ZNF738: variants seen among roughly 807,000 people sequenced by gnomAD.
ZNF738 encodes the protein zinc finger protein 738.
Under a neutral mutation model 9.2 loss-of-function variants are expected in ZNF738, and 10 were observed. That is an observed-to-expected ratio of 1.09 (90% CI 0.67 to 1.85). The LOEUF is 1.85. ZNF738 is among the 40% of genes most tolerant of loss of function. The probability of loss-of-function intolerance (pLI) is 0.00; values close to 1 mark genes in which losing one functional copy is unlikely to be tolerated. For missense variants in ZNF738, 346 were observed against 283.6 expected (o/e 1.22, Z -1.58); for synonymous variants, 113 against 94.5 (o/e 1.20, Z -1.14).
intron 4 of ZNF738, chr19:21,381,824 G>T: frequency 3.4e-6 from 1 of 295,846 alleles, no homozygotes; most frequent in Non-Finnish European, 6.8e-6. Context: ...TTTTACTTTG[G>T]TTACTGCTGA....
chr19:21,371,705 C>T (rs1973859056), intron 2 of ZNF738, among the ~76,000 whole-genome samples: 1 of 151,774 alleles, frequency 6.6e-6, no homozygotes, highest in African/African-American at 2.4e-5. Context: ...CCTTGGTCCA[C>T]TTCTTTTTAA....
chr19:21,368,583 G>A (rs1355127434), intron 2 of ZNF738, among the ~76,000 whole-genome samples: 1 of 151,888 alleles, frequency 6.6e-6, no homozygotes, highest in African/African-American at 2.4e-5. Flanking sequence ...TCAGCCACCC[G>A]AGTAGCTGGG....
At chr19:21,377,931 C>G in intron 4 of ZNF738, 1 of 390,026 alleles carries the variant, frequency 2.6e-6, no homozygotes, top group Non-Finnish European at 4.5e-6. Flanking sequence ...CATTTTCTCT[C>G]TTTGTTTCTC....
At chr19:21,361,251 C>T (rs1973687017) in intron 1 of ZNF738, among the ~76,000 whole-genome samples, 1 of 152,124 alleles carries the variant, frequency 6.6e-6, no homozygotes, top group South Asian at 2.1e-4. Context: ...GATTCTCCTG[C>T]CTCAGCCTCC....
In ZNF738 at chr19:21,381,567, C is replaced by T. The variant is rs560391503; in HGVS notation, c.320-1299C>T. The T allele has an allele frequency of 1.2e-5, 8 of 646,476 alleles. No individual in the cohort carries two copies. The South Asian group carries it at 1.3e-4, about 11-fold the overall frequency. The allele number at this position is 646,476 out of a possible 1,614,324, so 40.0% of individuals were successfully genotyped here. ...GCAGTGCAGTGGCGTGATCTCAGCT[C>T]ACTGCAAGCTCCGTCTCCCGGGTTC... is the stretch of plus-strand genomic sequence containing the variant. On this transcript the variant is annotated intron_variant, in intron 4 of 4. Transcript: ENST00000683779.
In ZNF738 at chr19:21,386,201, T is replaced by G. The variant is rs190981849; in HGVS notation, c.*2527T>G. The G allele has an allele frequency of 5.8e-4, 172 of 295,300 alleles. 1 individual carries two copies. The highest frequency in any genetic ancestry group is 1.1e-3 in the Non-Finnish European group (162 of 144,190). 18.3% of individuals were successfully genotyped at this position (295,300 alleles called of 1,614,324 possible). A position where few individuals can be genotyped will look rare whatever the true frequency, so the allele number is the denominator to read the frequency against. ...CAAACGTGAGGAATGTGGCAAAGCC[T>G]TTAATGGTCCCCTCAACTTTCTGCA... is the stretch of plus-strand genomic sequence containing the variant. On this transcript the variant is annotated 3_prime_UTR_variant, in exon 5 of 5. Coordinates refer to ENST00000683779, the MANE Select transcript of ZNF738 (RefSeq NM_001355237.2).
At chr19:21,377,530 A>AC (rs1973946066) in intron 4 of ZNF738, 1 of 567,472 alleles carries the variant, frequency 1.8e-6, no homozygotes, top group Non-Finnish European at 3.1e-6. Flanking sequence ...ACACACACAC[A>AC]CACAAAATTT....
At chr19:21,369,790 G>A (rs553770367) in intron 2 of ZNF738, among the ~76,000 whole-genome samples, 184 of 152,082 alleles carry the variant, frequency 1.2e-3, no homozygotes, top group South Asian at 2.3e-3. Context: ...TTTGAAGAGG[G>A]GCAATGTAAT....
At chr19:21,378,585 G>A in intron 4 of ZNF738, 2 of 357,304 alleles carry the variant, frequency 5.6e-6, no homozygotes, top group South Asian at 2.2e-5. Context: ...TCTCATAAGA[G>A]TATTCTTGCA....
At chr19:21,373,614 G>A (rs1183285808) in intron 2 of ZNF738, among the ~76,000 whole-genome samples, 1 of 152,190 alleles carries the variant, frequency 6.6e-6, no homozygotes, top group Non-Finnish European at 1.5e-5. Context: ...AAATGGGTGT[G>A]CTTTTTCTGC....
At chr19:21,362,428 G>A (rs574773258) in intron 2 of ZNF738, among the ~76,000 whole-genome samples, 6 of 152,264 alleles carry the variant, frequency 3.9e-5, no homozygotes, top group African/African-American at 1.2e-4. Context: ...GGCAGTCACC[G>A]AAAAATAGTG....
intron 2 of ZNF738, among the ~76,000 whole-genome samples, chr19:21,362,504 A>C (rs1367340209): frequency 6.6e-6 from 1 of 152,122 alleles, no homozygotes; most frequent in Non-Finnish European, 1.5e-5. Flanking sequence ...AGGATCTCTC[A>C]AGTGATTGAA....
At chr19:21,366,135 C>T (rs1415227249) in intron 2 of ZNF738, among the ~76,000 whole-genome samples, 1 of 152,092 alleles carries the variant, frequency 6.6e-6, no homozygotes, top group Non-Finnish European at 1.5e-5. Flanking sequence ...CTCCCCATGT[C>T]CTAATTCTGT....
At position 21,383,964 on chromosome 19, in the gene ZNF738, C is replaced by G. The variant is rs1007808690; in HGVS notation, c.*290C>G. 6.9e-7 allele frequency: 1 copy of G among 1,442,460 alleles called. No individual in the cohort carries two copies. The highest frequency in any genetic ancestry group is 1.4e-5 in the African/African-American group (1 of 71,528). 89.4% of individuals were successfully genotyped at this position (1,442,460 alleles called of 1,614,324 possible). ...TAACTGTTACTCCTACCTTACTGCA[C>G]ATAAGTTGATTCATACTGGAGAGAA... On this transcript the variant is annotated 3_prime_UTR_variant, in exon 5 of 5. Transcript: ENST00000683779.
chr19:21,383,185 T>C lies in ZNF738; in HGVS notation c.639T>C (p.Phe213=), dbSNP rs1974026264. The C allele has an allele frequency of 6.2e-7, 1 of 1,601,818 alleles. No individual in the cohort carries two copies. Among genetic ancestry groups the C allele is most frequent in the Non-Finnish European group, 8.5e-7 (1 of 1,170,086 alleles). The change falls in exon 5 of 5, where the codon TTT becomes TTC. Residue 213 remains phenylalanine (F), a synonymous_variant. Transcript: ENST00000683779. ...AATGTAAAAAATGTGGCAAATCATT[T>C]TGCATGCTTTTACACCTAGGTCAAC... ...PFKCKKCGKS[F]CMLLHLGQHK... is the part of the protein sequence containing the mutation.
At chr19:21,360,370 A>C (rs1235729533) in intron 1 of ZNF738, 1 of 152,228 alleles carries the variant, frequency 6.6e-6, no homozygotes, top group Non-Finnish European at 1.5e-5. Flanking sequence ...GCAGTAAGAT[A>C]CTAAATTTCC....
intron 2 of ZNF738, among the ~76,000 whole-genome samples, chr19:21,366,966 A>G (rs1973789970): frequency 6.6e-6 from 1 of 152,148 alleles, no homozygotes; most frequent in African/African-American, 2.4e-5. Context: ...ATACCTAACC[A>G]TCTGGAAATG....
At chr19:21,377,261 C>T (rs568422569) in intron 4 of ZNF738, 23 of 490,526 alleles carry the variant, frequency 4.7e-5, no homozygotes, top group African/African-American at 1.6e-4. Context: ...GAGCTGAGAT[C>T]GTGCCATTGC....
chr19:21,360,724 A>G (rs2061919), intron 1 of ZNF738: 86,086 of 151,656 alleles, frequency 0.57, 24,651 homozygotes, highest in Middle Eastern at 0.69. Context: ...AAAGTGCTGG[A>G]ATTACAGGCG....
Sources: gnomAD v4.1 joint callset for allele counts (sites outside exome capture counted in the v4.1 genomes callset) on GRCh38, gnomAD v4.1.1 for gene constraint, MANE v1.5 for transcripts, NCBI Gene and HGNC (gene_info 2026-07-23, HGNC 2026-07-21) for gene names.